Variants in JADE1 observed in about 807,000 individuals in gnomAD.
The protein encoded by JADE1 is protein Jade-1.
In JADE1, 14 loss-of-function variants were observed where a neutral mutation model predicts 81.8. The observed-to-expected ratio is 0.17, with a 90% CI of 0.11 to 0.27. The LOEUF is 0.27. JADE1 is among the 10% of genes least tolerant of loss of function. The pLI, the probability that JADE1 is intolerant of heterozygous loss-of-function variation, is 1.00. For synonymous variants in JADE1, 353 were observed against 391.9 expected, an observed-to-expected ratio of 0.90 and a Z score of 1.17; for missense variants, 690 against 1,047.9, an observed-to-expected ratio of 0.66 and a Z score of 4.71.
intron 1 of JADE1, among the ~76,000 whole-genome samples, chr4:128,829,824 G>A (rs779795947): frequency 7.9e-5 from 12 of 152,080 alleles, no homozygotes; most frequent in Non-Finnish European, 1.6e-4. Context: ...CCTTTTTAGA[G>A]TGGAGCTTTG....
In JADE1 at chr4:128,871,393, A is replaced by C. The variant is rs762108900; in HGVS notation, c.1660A>C (p.Met554Leu). ...CTGCTCCTCCTCCTCACTGGAAAACATGCTTTTGTTTAACAGTCCTTCTGT... is the reference window on the plus strand; with the variant it reads ...CTGCTCCTCCTCCTCACTGGAAAACCTGCTTTTGTTTAACAGTCCTTCTGT... ...SSCSSSSLEN[M>L]LLFNSPSVGP... Residue 554 changes from methionine (M) to leucine (L), a missense_variant, in exon 11 of 11, where the codon ATG becomes CTG. This residue lies in a region of JADE1 where 86 missense variants were observed against 95.4 expected (regional missense o/e 0.90). Coordinates refer to ENST00000226319, the MANE Select transcript of JADE1 (RefSeq NM_199320.4). The surrounding 1 kb of genome is among the most constrained non-coding windows in gnomAD (Gnocchi z 4.1). 3 of 1,614,028 alleles carry C rather than the reference A, an allele frequency of 1.9e-6. No individual in the cohort carries two copies. The Admixed American group carries it at 5.0e-5, about 27-fold the overall frequency.
At chr4:128,853,269 A>G (rs1169884827) in intron 6 of JADE1, among the ~76,000 whole-genome samples, 6 of 152,192 alleles carry the variant, frequency 3.9e-5, no homozygotes, top group African/African-American at 1.4e-4. Flanking sequence ...TACATCTGCA[A>G]TGACTACTTC....
intron 2 of JADE1, among the ~76,000 whole-genome samples, chr4:128,839,580 A>G (rs1729258750): frequency 6.6e-6 from 1 of 152,212 alleles, no homozygotes; most frequent in Non-Finnish European, 1.5e-5. Flanking sequence ...CTAGTCTTCC[A>G]CTGATCTACT....
chr4:128,840,737 G>T (rs1465818312), intron 2 of JADE1, among the ~76,000 whole-genome samples: 1 of 152,222 alleles, frequency 6.6e-6, no homozygotes, highest in Non-Finnish European at 1.5e-5. Context: ...ACCCCAGTGT[G>T]CCCAGAATAT....
intron 8 of JADE1, among the ~76,000 whole-genome samples, 155 bp from the exon 9 acceptor site, chr4:128,861,549 C>A (rs1176542599): frequency 1.3e-5 from 2 of 152,204 alleles, no homozygotes; most frequent in Non-Finnish European, 2.9e-5. Context: ...CAGGATCTTG[C>A]AGGGTTAATC....
Position 128,874,967 on chromosome 4 carries a change from A to C in JADE1, c.*2705A>C, listed in dbSNP as rs1056329866. 2 of 152,270 alleles carry C rather than the reference A, an allele frequency of 1.3e-5. No homozygotes were observed. The highest frequency in any genetic ancestry group is 2.9e-5 in the Non-Finnish European group (2 of 67,968). The allele number at this position is 152,270 out of a possible 1,614,324, so 9.4% of individuals were successfully genotyped here. On this transcript the variant is annotated 3_prime_UTR_variant, in exon 11 of 11. Transcript: ENST00000226319. ...TGTAACCTTGTACAGAGGATTTTTCACTATGTGCCTAGCTTGGTGTCCATT... is the reference window on the plus strand; with the variant it reads ...TGTAACCTTGTACAGAGGATTTTTCCCTATGTGCCTAGCTTGGTGTCCATT...
rs902161482 is a variant in JADE1 at position 128,873,523 on chromosome 4, T to C, written c.*1261T>C. ...GTTATCAGCAATAATAAATTTAGCA[T>C]TAAATTTGAGTACAATGTTTTGTTT... On this transcript the variant is annotated 3_prime_UTR_variant, in exon 11 of 11. Coordinates refer to ENST00000226319, the MANE Select transcript of JADE1 (RefSeq NM_199320.4). 6.5e-6 allele frequency: 1 copy of C among 152,746 alleles called. No homozygotes were observed. Among genetic ancestry groups the C allele is most frequent in the African/African-American group, 2.4e-5 (1 of 41,582 alleles). The allele number at this position is 152,746 out of a possible 1,614,324, so 9.5% of individuals were successfully genotyped here. A position where few individuals can be genotyped will look rare whatever the true frequency, so the allele number is the denominator to read the frequency against.
intron 2 of JADE1, among the ~76,000 whole-genome samples, chr4:128,840,103 C>T (rs578062266): frequency 1.2e-4 from 19 of 152,238 alleles, no homozygotes; most frequent in African/African-American, 4.1e-4. Context: ...TTTTTAAAAG[C>T]AAATGTGGCA....
In JADE1 at chr4:128,862,043, C is replaced by T. The variant is rs1305532388; in HGVS notation, c.1321C>T (p.Arg441Trp). Residue 441 changes from arginine (R) to tryptophan (W), a missense_variant, in exon 9 of 11, where the codon CGG becomes TGG. Around this residue, in one of 8 missense-constraint regions of JADE1, gnomAD observed 63 missense variants for 138.4 expected, o/e 0.46. Coordinates refer to ENST00000226319, the MANE Select transcript of JADE1 (RefSeq NM_199320.4). Reference sequence around the variant, plus strand: ...CCTGCTGGATGTTGCCAGGGCTCTGCGGCTGCCTGAGGAAGTAGTGGATTT... The same window carrying T: ...CCTGCTGGATGTTGCCAGGGCTCTGTGGCTGCCTGAGGAAGTAGTGGATTT... ...VNLLDVARAL[R>W]LPEEVVDFLY... 16 of 1,614,020 alleles carry T rather than the reference C, an allele frequency of 9.9e-6. No individual in the cohort carries two copies. The highest frequency in any genetic ancestry group is 2.2e-5 in the South Asian group (2 of 91,090).
At chr4:128,867,784 A>G (rs754221470) in intron 9 of JADE1, 72 bp from the exon 10 acceptor site, 18 of 939,198 alleles carry the variant, frequency 1.9e-5, no homozygotes, top group Non-Finnish European at 3.0e-5. Context: ...TCTTAGGTAA[A>G]GAAATTTAAA....
chr4:128,870,673 G>C (rs1269175613), intron 10 of JADE1, among the ~76,000 whole-genome samples: 1 of 152,140 alleles, frequency 6.6e-6, no homozygotes, highest in African/African-American at 2.4e-5. Context: ...GTGGAATTTA[G>C]TCACTGTGAT....
chr4:128,862,780 C>T lies in JADE1; in HGVS notation c.1503+555C>T, dbSNP rs930727092. ...TTCACAGGGGAATTCCCAGTACTGT[C>T]ATGGAGCAGAGCAGGCAGTGGGTGC... is the stretch of plus-strand genomic sequence containing the variant. On this transcript the variant is annotated intron_variant, in intron 9 of 10. Transcript: ENST00000226319. The T allele has an allele frequency of 3.0e-6, 3 of 1,002,892 alleles. No individual in the cohort carries two copies. In the African/African-American group the frequency reaches 5.2e-5, roughly 17 times the overall value. The allele number at this position is 1,002,892 out of a possible 1,614,324, so 62.1% of individuals were successfully genotyped here.
At position 128,873,001 on chromosome 4, in the gene JADE1, A is replaced by G; in HGVS notation, c.*739A>G. 2.2e-6 allele frequency: 1 copy of G among 445,268 alleles called. No homozygotes were observed. The highest frequency in any genetic ancestry group is 4.5e-6 in the Non-Finnish European group (1 of 219,844). The allele number at this position is 445,268 out of a possible 1,614,324, so 27.6% of individuals were successfully genotyped here. A position where few individuals can be genotyped will look rare whatever the true frequency, so the allele number is the denominator to read the frequency against. ...GACTGTTAGGAAAGTTGTATCTATG[A>G]ATAAGGGCAGTTGAAGTAGAATTTT... On this transcript the variant is annotated 3_prime_UTR_variant, in exon 11 of 11. Transcript: ENST00000226319.
At chr4:128,857,863 C>A (rs147459858) in intron 8 of JADE1, among the ~76,000 whole-genome samples, 1 of 152,276 alleles carries the variant, frequency 6.6e-6, no homozygotes, top group African/African-American at 2.4e-5. Context: ...TAGCTGCAGA[C>A]CCTGGCCCAC....
intron 8 of JADE1, 77 bp from the exon 9 acceptor site, chr4:128,861,627 G>T: frequency 1.3e-6 from 2 of 1,494,088 alleles, no homozygotes; most frequent in Non-Finnish European, 1.8e-6. Flanking sequence ...TGTACATGGG[G>T]TGCCTAGCAC....
intron 1 of JADE1, among the ~76,000 whole-genome samples, chr4:128,815,826 T>C (rs773252018): frequency 1.3e-5 from 2 of 152,166 alleles, no homozygotes; most frequent in Non-Finnish European, 2.9e-5. Flanking sequence ...AAACTGGTTT[T>C]CCTGTGAGGT....
intron 1 of JADE1, among the ~76,000 whole-genome samples, chr4:128,810,677 C>G (rs1046597207): frequency 6.9e-6 from 1 of 144,508 alleles, no homozygotes; most frequent in African/African-American, 2.6e-5. Flanking sequence ...TGGCTCTTGT[C>G]ACCGCGTCAC....
chr4:128,834,530 CTTTTTTTTT>C (rs202245727), intron 2 of JADE1, among the ~76,000 whole-genome samples: 1 of 99,180 alleles, frequency 1.0e-5, no homozygotes, highest in East Asian at 2.9e-4. Flanking sequence ...CCAAATATTT[CTTTTTTTTT>C]TTTTTTTTTT....
At chr4:128,827,682 T>G (rs1266626007) in intron 1 of JADE1, among the ~76,000 whole-genome samples, 2 of 152,166 alleles carry the variant, frequency 1.3e-5, no homozygotes, top group Non-Finnish European at 2.9e-5. Flanking sequence ...GGGGTGTAGT[T>G]AATTTGTTGT....
Sources: gnomAD v4.1 joint callset for allele counts (sites outside exome capture counted in the v4.1 genomes callset) on GRCh38, gnomAD v4.1.1 for gene constraint, gnomAD v4.1.1 regional missense constraint, Gnocchi (gnomAD v3.1) non-coding constraint, MANE v1.5 for transcripts, NCBI Gene and HGNC (gene_info 2026-07-23, HGNC 2026-07-21) for gene names.